PPARGC1A: variants seen among roughly 807,000 people sequenced by gnomAD.
PPARGC1A encodes PPARG coactivator 1 alpha, also known as peroxisome proliferator-activated receptor gamma coactivator 1-alpha.
In PPARGC1A, 25 loss-of-function variants were observed where a neutral mutation model predicts 88.7. The ratio of observed to expected loss-of-function variants is 0.28; its 90% CI spans 0.21 to 0.39. The LOEUF is 0.39. Ranked by LOEUF, PPARGC1A falls within the 10% of genes least tolerant of loss-of-function variation. PPARGC1A has a pLI of 1.00. For missense variants in PPARGC1A, 880 were observed against 968.7 expected, an observed-to-expected ratio of 0.91 and a Z score of 1.22; for synonymous variants, 363 against 355.6, an observed-to-expected ratio of 1.02 and a Z score of -0.24.
At chr4:23,956,748 C>T in the PPARGC1A span, among the ~76,000 whole-genome samples, 12 of 152,020 alleles carry the variant, frequency 7.9e-5, no homozygotes, top group African/African-American at 2.9e-4. Context: ...AGTAGTGGTC[C>T]AATGCACACA....
chr4:24,355,300 G>A, the PPARGC1A span, among the ~76,000 whole-genome samples: 24 of 152,294 alleles, frequency 1.6e-4, no homozygotes, highest in Non-Finnish European at 3.1e-4. Flanking sequence ...ACCGAGCTAA[G>A]CAGGCAGCAG....
chr4:23,921,322 T>C, the PPARGC1A span, among the ~76,000 whole-genome samples: 1 of 152,158 alleles, frequency 6.6e-6, no homozygotes. Flanking sequence ...AAGAATTGAA[T>C]TGAATGTGAA....
At chr4:24,380,109 GT>G in the PPARGC1A span, among the ~76,000 whole-genome samples, 75 of 149,028 alleles carry the variant, frequency 5.0e-4, no homozygotes, top group African/African-American at 1.1e-3. Flanking sequence ...AAAATATATA[GT>G]TTTTTTTTTA....
Position 23,814,696 on chromosome 4 carries a change from T to C in PPARGC1A, c.878-91A>G, listed in dbSNP as rs927747928. 8 of 1,219,026 alleles carry C rather than the reference T, an allele frequency of 6.6e-6. No individual in the cohort carries two copies. The Admixed American group carries it at 1.8e-4, about 27-fold the overall frequency. 75.5% of individuals were successfully genotyped at this position (1,219,026 alleles called of 1,614,324 possible). A position where few individuals can be genotyped will look rare whatever the true frequency, so the allele number is the denominator to read the frequency against. On this transcript the variant is annotated intron_variant, in intron 7 of 12. Coordinates refer to ENST00000264867, the MANE Select transcript of PPARGC1A (RefSeq NM_013261.5). ...TAAATGCGAAGACACATGTTTCTAA[T>C]TTTTCCAAGATTTCAGACAAGGGTT... is the stretch of plus-strand genomic sequence containing the variant.
At chr4:24,177,059 T>C in the PPARGC1A span, among the ~76,000 whole-genome samples, 5 of 152,144 alleles carry the variant, frequency 3.3e-5, no homozygotes, top group East Asian at 1.9e-4. Flanking sequence ...GTCAGTGTGG[T>C]GATTCCTCAG....
the PPARGC1A span, among the ~76,000 whole-genome samples, chr4:24,228,045 A>G: frequency 2.6e-5 from 4 of 152,176 alleles, no homozygotes; most frequent in African/African-American, 9.7e-5. Flanking sequence ...AGCTCAGCTC[A>G]GCTCCATCCT....
the PPARGC1A span, among the ~76,000 whole-genome samples, chr4:23,994,053 A>C: frequency 1.3e-5 from 2 of 152,206 alleles, no homozygotes; most frequent in African/African-American, 4.8e-5. Context: ...GTGAATTGGA[A>C]ATAAAATGTC....
At chr4:23,861,307 TAC>T (rs1428578171) in intron 2 of PPARGC1A, among the ~76,000 whole-genome samples, 1 of 152,220 alleles carries the variant, frequency 6.6e-6, no homozygotes, top group African/African-American at 2.4e-5. Context: ...AAGATTTTGA[TAC>T]AGTCACCAGA....
At chr4:24,031,197 TTAA>T in the PPARGC1A span, among the ~76,000 whole-genome samples, 1 of 152,178 alleles carries the variant, frequency 6.6e-6, no homozygotes, top group Non-Finnish European at 1.5e-5. Flanking sequence ...AATTAATGAA[TTAA>T]TGATACAAAA....
chr4:24,362,167 T>G, the PPARGC1A span, among the ~76,000 whole-genome samples: 2 of 152,338 alleles, frequency 1.3e-5, no homozygotes, highest in Non-Finnish European at 2.9e-5. Context: ...TCCCAGTGCC[T>G]GCCCTTCAGA....
the PPARGC1A span, among the ~76,000 whole-genome samples, chr4:23,940,788 G>C: frequency 3.3e-5 from 5 of 152,180 alleles, no homozygotes; most frequent in African/African-American, 1.2e-4. Context: ...CAGTGTGTAG[G>C]ATGCAATTCC....
chr4:23,947,351 T>TGA, the PPARGC1A span, among the ~76,000 whole-genome samples: 41 of 80,098 alleles, frequency 5.1e-4, no homozygotes, highest in Non-Finnish European at 7.2e-4. Context: ...TGTTATATAG[T>TGA]GATATATATA....
chr4:24,443,890 C>A, the PPARGC1A span, among the ~76,000 whole-genome samples: 1 of 152,016 alleles, frequency 6.6e-6, no homozygotes, highest in East Asian at 1.9e-4. Flanking sequence ...ATTACCACAG[C>A]CAGATTTGTT....
At chr4:24,366,010 TA>T in the PPARGC1A span, among the ~76,000 whole-genome samples, 1 of 152,156 alleles carries the variant, frequency 6.6e-6, no homozygotes, top group Non-Finnish European at 1.5e-5. Flanking sequence ...GGAGAGGAAG[TA>T]AGGGAAAGCA....
chr4:24,272,620 A>T, the PPARGC1A span, among the ~76,000 whole-genome samples: 1 of 152,204 alleles, frequency 6.6e-6, no homozygotes, highest in East Asian at 1.9e-4. Flanking sequence ...GGGCCTTACT[A>T]CATATTTGCA....
the PPARGC1A span, among the ~76,000 whole-genome samples, chr4:24,363,968 C>T: frequency 6.0e-4 from 92 of 152,192 alleles, no homozygotes; most frequent in African/African-American, 2.0e-3. Context: ...TTGAAATGCT[C>T]CTACCGTGTT....
the PPARGC1A span, among the ~76,000 whole-genome samples, chr4:24,021,638 A>T: frequency 6.6e-6 from 1 of 152,314 alleles, no homozygotes; most frequent in Middle Eastern, 3.4e-3. Flanking sequence ...TGCTCTATTT[A>T]CAAGCTAGGT....
the PPARGC1A span, among the ~76,000 whole-genome samples, chr4:24,472,156 A>C: frequency 1.3e-5 from 2 of 152,104 alleles, no homozygotes; most frequent in African/African-American, 4.8e-5. The surrounding 1 kb of genome is among the most constrained non-coding windows in gnomAD (Gnocchi z 4.5). Flanking sequence ...CAGATTGGGC[A>C]CGGGAGGAAC....
intron 11 of PPARGC1A, 102 bp downstream of exon 11, chr4:23,802,122 G>A (rs548316320): frequency 1.3e-6 from 2 of 1,509,482 alleles, no homozygotes; most frequent in South Asian, 1.2e-5. Flanking sequence ...CATGTCATCT[G>A]TCAAAGCACT....
Sources: allele counts gnomAD v4.1 joint callset (sites outside exome capture counted in the v4.1 genomes callset), GRCh38; gene constraint gnomAD v4.1.1; non-coding constraint Gnocchi (gnomAD v3.1); transcripts MANE v1.5; gene names NCBI Gene and HGNC (gene_info 2026-07-23, HGNC 2026-07-21).